Variants in FXR1 observed in about 807,000 individuals in gnomAD.
FXR1 encodes the protein FMR1 autosomal homolog 1, also known as RNA-binding protein FXR1.
FXR1 carries 15 observed loss-of-function variants against 84.0 expected under a neutral mutation model. The ratio of observed to expected loss-of-function variants is 0.18; its 90% CI spans 0.12 to 0.27. The LOEUF is 0.27. Among genes scored for constraint, FXR1 ranks in the 10% least tolerant of loss-of-function variants. FXR1 has a pLI of 1.00. For missense variants in FXR1, 480 were observed against 774.4 expected (o/e 0.62, Z 4.51); for synonymous variants, 245 against 250.7 (o/e 0.98, Z 0.21).
intron 7 of FXR1, among the ~76,000 whole-genome samples, chr3:180,951,061 T>TAA (rs971599705): frequency 6.9e-6 from 1 of 145,524 alleles, no homozygotes; most frequent in Admixed American, 6.9e-5. Flanking sequence ...AAAAATAAAT[T>TAA]AAAAAAAAAA....
intron 3 of FXR1, among the ~76,000 whole-genome samples, chr3:180,944,227 T>C (rs1721444800): frequency 6.6e-6 from 1 of 152,102 alleles, no homozygotes; most frequent in Non-Finnish European, 1.5e-5. Context: ...ATATTCTTTT[T>C]GTAACCCTCA....
intron 1 of FXR1, chr3:180,927,910 A>G: frequency 5.8e-6 from 2 of 346,116 alleles, no homozygotes; most frequent in Non-Finnish European, 1.0e-5. Flanking sequence ...ACCCTGTTGT[A>G]TGCTGTTTCA....
At chr3:180,943,376 C>T (rs1721346824) in intron 3 of FXR1, among the ~76,000 whole-genome samples, 1 of 150,538 alleles carries the variant, frequency 6.6e-6, no homozygotes. Flanking sequence ...GATTCTCCTG[C>T]CTCAACCTCC....
At chr3:180,945,050 T>C (rs558452413) in intron 3 of FXR1, among the ~76,000 whole-genome samples, 4 of 152,390 alleles carry the variant, frequency 2.6e-5, no homozygotes, top group African/African-American at 4.8e-5. Flanking sequence ...CTCACTGTTA[T>C]ACATGAACCT....
In FXR1 at chr3:180,926,508, T is replaced by TATATATATA. The variant is rs1560164955; in HGVS notation, c.52-6826_52-6825insATATATATA. Among the ~76,000 whole-genome samples, 36 of 116,778 alleles carry TATATATATA rather than the reference T, an allele frequency of 3.1e-4. 1 individual carries two copies. Among genetic ancestry groups the TATATATATA allele is most frequent in the Non-Finnish European group, 5.1e-4 (26 of 50,488 alleles). The allele number at this position is 116,778 out of a possible 152,430, so 76.6% of individuals were successfully genotyped here. ...TATATATATATATATATATATATAT[T>TATATATATA]TTTTTTTCTGGCCTTTTGTTGGCAT... On this transcript the variant is annotated intron_variant, in intron 1 of 16. Transcript: ENST00000357559.
At chr3:180,923,051 C>A (rs777017547) in intron 1 of FXR1, among the ~76,000 whole-genome samples, 2 of 152,150 alleles carry the variant, frequency 1.3e-5, no homozygotes, top group Non-Finnish European at 2.9e-5. Flanking sequence ...ATTATACATA[C>A]AATTTCTTAG....
intron 1 of FXR1, among the ~76,000 whole-genome samples, chr3:180,923,022 T>A (rs909660482): frequency 5.3e-5 from 8 of 152,236 alleles, no homozygotes; most frequent in African/African-American, 1.9e-4. Context: ...CAGTCCTGGT[T>A]AAGACAGTCT....
intron 3 of FXR1, among the ~76,000 whole-genome samples, chr3:180,938,918 T>A (rs541755123): frequency 6.6e-6 from 1 of 151,774 alleles, no homozygotes; most frequent in South Asian, 2.1e-4. Context: ...TTTTTTGAGA[T>A]GGAGTCTCAC....
intron 14 of FXR1, among the ~76,000 whole-genome samples, chr3:180,969,467 A>T (rs1247436180): frequency 6.6e-6 from 1 of 152,162 alleles, no homozygotes; most frequent in African/African-American, 2.4e-5. Context: ...TTTCTTATGA[A>T]TTGTACCTTA....
intron 15 of FXR1, chr3:180,971,180 CCAT>C (rs1713530708): frequency 1.1e-6 from 1 of 951,146 alleles, no homozygotes; most frequent in African/African-American, 1.9e-5. Context: ...CCTGTGGACA[CCAT>C]CAGGTCACAA....
intron 13 of FXR1, 53 bp downstream of exon 13, chr3:180,963,143 T>C (rs1240920881): frequency 9.6e-6 from 7 of 730,744 alleles, no homozygotes; most frequent in African/African-American, 3.6e-5. Context: ...ATAGTAGTTA[T>C]AGTTTAGGTG....
intron 3 of FXR1, among the ~76,000 whole-genome samples, chr3:180,935,733 C>CA (rs973045497): frequency 2.3e-4 from 35 of 150,850 alleles, no homozygotes; most frequent in Non-Finnish European, 4.0e-4. Context: ...TACAGAAAAG[C>CA]AAAAAAAATA....
chr3:180,959,204 T>G (rs1213964505), intron 10 of FXR1, among the ~76,000 whole-genome samples: 2 of 152,232 alleles, frequency 1.3e-5, no homozygotes. Context: ...TACGTTGCTG[T>G]TAATTCGTTA....
rs1719811547 is a variant in FXR1, at chr3:180,930,935, A to G, written c.52-2399A>G. On this transcript the variant is annotated intron_variant, in intron 1 of 16. Coordinates refer to ENST00000357559, the MANE Select transcript of FXR1 (RefSeq NM_005087.4). ...TCCCAGCTACTGGGGAGGTTGAGGTAGGAGGATCGCTTGAGCCAGGGAGGT... is the reference window on the plus strand; with the variant it reads ...TCCCAGCTACTGGGGAGGTTGAGGTGGGAGGATCGCTTGAGCCAGGGAGGT... Among the ~76,000 whole-genome samples, 4 of 145,836 alleles carry G rather than the reference A, an allele frequency of 2.7e-5. No individual in the cohort carries two copies. In the Admixed American group the frequency reaches 2.8e-4, roughly 10 times the overall value.
At chr3:180,933,003 T>G (rs1720109641) in intron 1 of FXR1, 1 of 206,162 alleles carries the variant, frequency 4.9e-6, no homozygotes, top group African/African-American at 2.3e-5. Context: ...GAGCTTGAAC[T>G]CTTTGTCACA....
At chr3:180,928,936 T>TG (rs1274967009) in intron 1 of FXR1, among the ~76,000 whole-genome samples, 1 of 152,168 alleles carries the variant, frequency 6.6e-6, no homozygotes, top group Non-Finnish European at 1.5e-5. Context: ...TGTTTGTTTT[T>TG]TTTTAGACAG....
In FXR1 at chr3:180,947,935, A is replaced by C; in HGVS notation, c.269A>C (p.Glu90Ala). 2 of 1,577,468 alleles carry C rather than the reference A, an allele frequency of 1.3e-6. No individual in the cohort carries two copies. The highest frequency in any genetic ancestry group is 1.7e-6 in the Non-Finnish European group (2 of 1,148,638). The part of the protein sequence containing the change: ...WLAKVRMMKG[E>A]FYVIEYAACD... ...GCTAAAGTTCGGATGATGAAAGGAG[A>C]AGTAAGTACTCTTCACACTTGCTTT... Residue 90 changes from glutamate to alanine, a missense_variant and splice_region_variant, in exon 4 of 17, where the codon GAA (glutamate) becomes GCA (alanine). By Grantham distance (107) the Glu-to-Ala change is moderately radical. This residue lies in a region of FXR1 where 136 missense variants were observed against 315.4 expected (regional missense o/e 0.43). Transcript: ENST00000357559.
chr3:180,949,449 C>T, intron 7 of FXR1, 106 bp downstream of exon 7: 3 of 726,074 alleles, frequency 4.1e-6, no homozygotes, highest in Non-Finnish European at 7.5e-6. Flanking sequence ...TGCAGTGGCA[C>T]AATCTTGGCT....
chr3:180,970,097 T>C, intron 14 of FXR1, 61 bp from the exon 15 acceptor site: 1 of 869,586 alleles, frequency 1.1e-6, no homozygotes, highest in Non-Finnish European at 2.0e-6. Context: ...TCAATATAGA[T>C]CAAACATTCA....
Sources: gnomAD v4.1 joint callset for allele counts (sites outside exome capture counted in the v4.1 genomes callset) on GRCh38, gnomAD v4.1.1 for gene constraint, gnomAD v4.1.1 regional missense constraint, MANE v1.5 for transcripts, NCBI Gene and HGNC (gene_info 2026-07-23, HGNC 2026-07-21) for gene names.